The following THSD7B variants were observed in gnomAD, a reference collection of about 807,000 sequenced individuals.
THSD7B encodes thrombospondin type 1 domain containing 7B.
THSD7B carries 138 observed loss-of-function variants against 213.6 expected under a neutral mutation model. The observed-to-expected ratio is 0.65, with a 90% CI of 0.56 to 0.74. The LOEUF is 0.74. THSD7B is among the 30% of genes least tolerant of loss of function. The pLI is 0.00. For synonymous variants in THSD7B, 742 were observed against 687.0 expected, an observed-to-expected ratio of 1.08 and a Z score of -1.25; for missense variants, 1,931 against 1,991.5, an observed-to-expected ratio of 0.97 and a Z score of 0.58.
intron 1 of THSD7B, among the ~76,000 whole-genome samples, chr2:136,836,288 C>T (rs1156921842): frequency 1.3e-5 from 2 of 152,074 alleles, no homozygotes; most frequent in Admixed American, 1.3e-4. Flanking sequence ...AACAACTGGA[C>T]CTGAGGGTGT....
chr2:137,661,073 G>C (rs899089891), intron 25 of THSD7B, among the ~76,000 whole-genome samples: 2 of 152,134 alleles, frequency 1.3e-5, no homozygotes, highest in African/African-American at 4.8e-5. Flanking sequence ...GAAAATGCTA[G>C]ATAAATAGCT....
At chr2:137,498,789 A>T (rs141769801) in intron 15 of THSD7B, among the ~76,000 whole-genome samples, 4 of 152,154 alleles carry the variant, frequency 2.6e-5, no homozygotes, top group African/African-American at 9.7e-5. Context: ...CATTATCTTC[A>T]TGGTAGCCCT....
chr2:137,558,861 C>G (rs981512020), intron 15 of THSD7B, among the ~76,000 whole-genome samples: 1 of 152,184 alleles, frequency 6.6e-6, no homozygotes, highest in Non-Finnish European at 1.5e-5. Context: ...GCAACTCCAG[C>G]AAAGTCTCAG....
intron 1 of THSD7B, among the ~76,000 whole-genome samples, chr2:136,809,001 T>G (rs960322894): frequency 2.6e-4 from 39 of 152,246 alleles, no homozygotes; most frequent in African/African-American, 8.9e-4. Context: ...AAATAGTTAT[T>G]GAATACCTTC....
At chr2:137,386,116 C>G (rs982509682) in intron 12 of THSD7B, among the ~76,000 whole-genome samples, 1 of 152,240 alleles carries the variant, frequency 6.6e-6, no homozygotes, top group South Asian at 2.1e-4. Context: ...CTCTGCACAC[C>G]TTTCATGGTG....
intron 1 of THSD7B, among the ~76,000 whole-genome samples, chr2:136,846,336 T>A (rs1308490265): frequency 6.6e-6 from 1 of 152,174 alleles, no homozygotes; most frequent in Non-Finnish European, 1.5e-5. Context: ...GAAGCCACTC[T>A]TAAGATTACC....
intron 17 of THSD7B, among the ~76,000 whole-genome samples, chr2:137,585,974 T>G (rs1231540582): frequency 6.6e-6 from 1 of 152,114 alleles, no homozygotes; most frequent in Non-Finnish European, 1.5e-5. Flanking sequence ...GGAGTCTAAG[T>G]CTCTTTGTAG....
intron 1 of THSD7B, among the ~76,000 whole-genome samples, chr2:136,870,612 G>C (rs1239314747): frequency 1.3e-5 from 2 of 152,210 alleles, no homozygotes; most frequent in Admixed American, 6.5e-5. Context: ...ACGGGGGTCT[G>C]GGAAGGCCTT....
intron 2 of THSD7B, among the ~76,000 whole-genome samples, chr2:136,886,456 ATTATAT>A (rs962312391): frequency 6.6e-6 from 1 of 152,040 alleles, no homozygotes; most frequent in Non-Finnish European, 1.5e-5. Context: ...TCTTGGCTAT[ATTATAT>A]TTAAGGCCAC....
At chr2:137,547,876 C>T (rs1034880878) in intron 15 of THSD7B, among the ~76,000 whole-genome samples, 4 of 151,944 alleles carry the variant, frequency 2.6e-5, no homozygotes, top group African/African-American at 9.7e-5. Flanking sequence ...GTAGCTCTCA[C>T]TGCATGATAA....
At chr2:136,898,890 C>T (rs1340427637) in intron 2 of THSD7B, among the ~76,000 whole-genome samples, 1 of 151,968 alleles carries the variant, frequency 6.6e-6, no homozygotes, top group East Asian at 1.9e-4. Context: ...ATCTGCCCAC[C>T]TCGGCCTCCC....
chr2:137,032,133 A>T (rs1686686308), intron 2 of THSD7B, among the ~76,000 whole-genome samples: 1 of 150,802 alleles, frequency 6.6e-6, no homozygotes, highest in South Asian at 2.1e-4. Context: ...GAGCCACCAC[A>T]CCCAACCCAT....
chr2:137,608,951 T>C (rs1339315114), intron 17 of THSD7B, among the ~76,000 whole-genome samples: 1 of 152,228 alleles, frequency 6.6e-6, no homozygotes, highest in Non-Finnish European at 1.5e-5. Flanking sequence ...TATGCTATCT[T>C]TTTACCTATG....
intron 2 of THSD7B, among the ~76,000 whole-genome samples, chr2:137,000,788 T>C (rs1226637332): frequency 1.3e-5 from 2 of 152,136 alleles, no homozygotes; most frequent in Non-Finnish European, 2.9e-5. Flanking sequence ...ATTAATTAGA[T>C]AGCTACCAGG....
intron 4 of THSD7B, among the ~76,000 whole-genome samples, chr2:137,098,375 A>G (rs763138398): frequency 6.6e-6 from 1 of 152,146 alleles, no homozygotes; most frequent in African/African-American, 2.4e-5. Flanking sequence ...AGAGAACACA[A>G]CAGACAAACT....
intron 2 of THSD7B, among the ~76,000 whole-genome samples, chr2:137,054,188 C>A (rs1262034660): frequency 1.3e-5 from 2 of 152,210 alleles, no homozygotes; most frequent in Non-Finnish European, 2.9e-5. Flanking sequence ...CGCGTGTTCT[C>A]TATACTATAA....
intron 27 of THSD7B, among the ~76,000 whole-genome samples, chr2:137,675,788 A>G (rs964877616): frequency 6.6e-6 from 1 of 152,056 alleles, no homozygotes; most frequent in Non-Finnish European, 1.5e-5. Context: ...GAGAGAGGAT[A>G]AGTGTGGTGG....
intron 17 of THSD7B, among the ~76,000 whole-genome samples, chr2:137,596,656 TTTTTG>T (rs910590468): frequency 6.6e-6 from 1 of 151,994 alleles, no homozygotes; most frequent in African/African-American, 2.4e-5. Flanking sequence ...TTTTATTCTT[TTTTTG>T]TTTTCTTTCT....
At chr2:136,770,248 C>T (rs963701681) in intron 1 of THSD7B, among the ~76,000 whole-genome samples, 1 of 152,044 alleles carries the variant, frequency 6.6e-6, no homozygotes, top group African/African-American at 2.4e-5. Context: ...AAAAGCATAC[C>T]ATGTAGTATG....
Sources: allele counts gnomAD v4.1 joint callset (sites outside exome capture counted in the v4.1 genomes callset), GRCh38; gene constraint gnomAD v4.1.1; transcripts MANE v1.5; gene names NCBI Gene and HGNC (gene_info 2026-07-23, HGNC 2026-07-21).